Variants in BMAL1 observed in about 807,000 individuals in gnomAD.
The protein encoded by BMAL1 is basic helix-loop-helix ARNT-like protein 1.
chr11:13,312,390 A>G, the BMAL1 span, among the ~76,000 whole-genome samples: 1 of 152,206 alleles, frequency 6.6e-6, no homozygotes, highest in Non-Finnish European at 1.5e-5. Context: ...GACTAGAGAT[A>G]GATCGAGTCC....
chr11:13,326,342 C>T, the BMAL1 span: 1 of 152,176 alleles, frequency 6.6e-6, no homozygotes, highest in African/African-American at 2.4e-5. Context: ...TTGTCAGGCC[C>T]TTCAAAGTGA....
chr11:13,314,379 C>T, the BMAL1 span, among the ~76,000 whole-genome samples: 64,061 of 151,642 alleles, frequency 0.42, 13,679 homozygotes, highest in East Asian at 0.64. Context: ...GCAACAGATT[C>T]ATAATGTGAT....
chr11:13,324,728 G>C, the BMAL1 span, among the ~76,000 whole-genome samples: 1 of 152,238 alleles, frequency 6.6e-6, no homozygotes, highest in Non-Finnish European at 1.5e-5. Context: ...GCCTAAAACA[G>C]AGCCTGGCAC....
At chr11:13,365,923 G>T in the BMAL1 span, among the ~76,000 whole-genome samples, 1 of 152,158 alleles carries the variant, frequency 6.6e-6, no homozygotes, top group Non-Finnish European at 1.5e-5. Flanking sequence ...CAATACCAGA[G>T]AATACGTCAC....
the BMAL1 span, among the ~76,000 whole-genome samples, chr11:13,306,265 G>A: frequency 6.6e-6 from 1 of 152,098 alleles, no homozygotes; most frequent in Non-Finnish European, 1.5e-5. Flanking sequence ...ATGGGAAGAG[G>A]GGGAGTGGAG....
chr11:13,341,668 A>T, the BMAL1 span, among the ~76,000 whole-genome samples: 2 of 152,268 alleles, frequency 1.3e-5, no homozygotes, highest in Non-Finnish European at 2.9e-5. Flanking sequence ...ATTTTCTTCA[A>T]CTTCAGGCAG....
chr11:13,363,863 G>T, the BMAL1 span, among the ~76,000 whole-genome samples: 1 of 152,146 alleles, frequency 6.6e-6, no homozygotes, highest in East Asian at 1.9e-4. Flanking sequence ...TGTCCTTCGG[G>T]CCCGGCTCCT....
the BMAL1 span, among the ~76,000 whole-genome samples, chr11:13,365,825 A>G: frequency 6.6e-6 from 1 of 152,192 alleles, no homozygotes. Context: ...GCTTTCTTCT[A>G]TTGCTGCAAA....
the BMAL1 span, among the ~76,000 whole-genome samples, chr11:13,326,177 C>T: frequency 6.7e-6 from 1 of 150,204 alleles, no homozygotes; most frequent in Non-Finnish European, 1.5e-5. Flanking sequence ...GCACTCCAGC[C>T]TGGCAACAGA....
At chr11:13,386,655 A>C in the BMAL1 span, 2 of 1,614,102 alleles carry the variant, frequency 1.2e-6, no homozygotes, top group Non-Finnish European at 1.7e-6. Flanking sequence ...AAGTAGTCCC[A>C]GTAATGATGA....
the BMAL1 span, among the ~76,000 whole-genome samples, chr11:13,310,576 T>G: frequency 3.3e-5 from 5 of 152,216 alleles, no homozygotes; most frequent in African/African-American, 1.2e-4. Flanking sequence ...TTTGGCTTCG[T>G]AGGCCATGTG....
At chr11:13,307,242 G>GA in the BMAL1 span, among the ~76,000 whole-genome samples, 15 of 152,226 alleles carry the variant, frequency 9.9e-5, no homozygotes, top group Non-Finnish European at 2.1e-4. Flanking sequence ...TCTTCATGGA[G>GA]ATTAAAGCAG....
the BMAL1 span, chr11:13,379,119 A>G: frequency 6.6e-6 from 1 of 152,146 alleles, no homozygotes; most frequent in South Asian, 2.1e-4. Context: ...ACTATTTCCC[A>G]AGAATTGTGT....
the BMAL1 span, chr11:13,380,829 T>C: frequency 2.1e-5 from 4 of 186,120 alleles, no homozygotes; most frequent in East Asian, 4.0e-4. Context: ...ATCCAAGGGC[T>C]TTGTCAGTGA....
the BMAL1 span, chr11:13,375,596 T>G: frequency 7.7e-6 from 12 of 1,548,784 alleles, no homozygotes; most frequent in Non-Finnish European, 1.0e-5. Context: ...TGTCCATGTT[T>G]TCTTTACATT....
the BMAL1 span, chr11:13,369,857 TC>T: frequency 6.6e-7 from 1 of 1,512,068 alleles, no homozygotes; most frequent in Non-Finnish European, 8.9e-7. Flanking sequence ...TTCCATGGTT[TC>T]TGGCTGGCCA....
At chr11:13,284,200 A>C in the BMAL1 span, among the ~76,000 whole-genome samples, 1 of 33,334 alleles carries the variant, frequency 3.0e-5, no homozygotes. Flanking sequence ...ATATGTGTGT[A>C]TATATATATG....
At chr11:13,292,623 C>A in the BMAL1 span, among the ~76,000 whole-genome samples, 1 of 151,548 alleles carries the variant, frequency 6.6e-6, no homozygotes, top group African/African-American at 2.4e-5. Context: ...AGAATGGACA[C>A]CTGGTCTCAC....
chr11:13,284,180 G>A, the BMAL1 span, among the ~76,000 whole-genome samples: 15 of 21,136 alleles, frequency 7.1e-4, 1 homozygote, highest in Admixed American at 1.5e-3. Flanking sequence ...ATATATATGT[G>A]TATATATATA....
Sources: allele counts gnomAD v4.1 joint callset (sites outside exome capture counted in the v4.1 genomes callset), GRCh38; gene constraint gnomAD v4.1.1; transcripts MANE v1.5; gene names NCBI Gene and HGNC (gene_info 2026-07-23, HGNC 2026-07-21).